Variants in DCDC2C observed in about 807,000 individuals in gnomAD.
DCDC2C encodes the protein doublecortin domain-containing protein 2C.
Under a neutral mutation model 45.0 loss-of-function variants are expected in DCDC2C, and 44 were observed. The ratio of observed to expected loss-of-function variants is 0.98; its 90% CI spans 0.77 to 1.26. The LOEUF is 1.26. Ranked by LOEUF, DCDC2C falls within the 50% of genes most tolerant of loss-of-function variation. The pLI is 0.00. For synonymous variants in DCDC2C, 187 were observed against 178.8 expected (o/e 1.05, Z -0.37); for missense variants, 447 against 468.9 (o/e 0.95, Z 0.43).
intron 10 of DCDC2C, among the ~76,000 whole-genome samples, chr2:3,828,138 AT>A (rs1191396587): frequency 2.0e-5 from 3 of 152,234 alleles, no homozygotes; most frequent in Non-Finnish European, 4.4e-5. Flanking sequence ...TAATTTAAAA[AT>A]ATGTGTGGAT....
At chr2:3,755,805 CAT>C (rs1379786473) in intron 6 of DCDC2C, among the ~76,000 whole-genome samples, 1 of 151,532 alleles carries the variant, frequency 6.6e-6, no homozygotes. Flanking sequence ...TATATGGATA[CAT>C]ATGTGTGCAT....
At chr2:3,834,318 C>G (rs1288046193) in intron 10 of DCDC2C, among the ~76,000 whole-genome samples, 2 of 152,184 alleles carry the variant, frequency 1.3e-5, no homozygotes, top group Non-Finnish European at 2.9e-5. Context: ...AGTAGCTTCA[C>G]TCTCCTAAAA....
chr2:3,820,991 G>C (rs1364234845), intron 10 of DCDC2C, among the ~76,000 whole-genome samples: 6 of 152,170 alleles, frequency 3.9e-5, no homozygotes, highest in Non-Finnish European at 1.5e-5. Context: ...AACAGGCTTT[G>C]TGTGAGCAAC....
At chr2:3,814,234 T>C (rs1671496683) in intron 10 of DCDC2C, among the ~76,000 whole-genome samples, 1 of 152,196 alleles carries the variant, frequency 6.6e-6, no homozygotes, top group African/African-American at 2.4e-5. Context: ...TCATTCTTTT[T>C]TCTCTAGTCT....
chr2:3,828,077 C>G (rs1327188818), intron 10 of DCDC2C, among the ~76,000 whole-genome samples: 1 of 152,188 alleles, frequency 6.6e-6, no homozygotes, highest in African/African-American at 2.4e-5. Flanking sequence ...AGTCTGCAGA[C>G]TTTTATTGAG....
intron 10 of DCDC2C, among the ~76,000 whole-genome samples, chr2:3,802,477 T>G (rs969113144): frequency 6.6e-6 from 1 of 152,226 alleles, no homozygotes; most frequent in African/African-American, 2.4e-5. Context: ...TATAGGCTGC[T>G]ATAGCAGAAT....
intron 6 of DCDC2C, among the ~76,000 whole-genome samples, chr2:3,757,092 G>A (rs578201745): frequency 6.6e-5 from 10 of 152,152 alleles, no homozygotes; most frequent in South Asian, 2.1e-4. Flanking sequence ...TTGAAGAGTG[G>A]GTGTGTTTCT....
chr2:3,794,343 GT>G (rs1335461026), intron 10 of DCDC2C, among the ~76,000 whole-genome samples: 2 of 151,926 alleles, frequency 1.3e-5, no homozygotes, highest in African/African-American at 2.4e-5. Context: ...CAAATTTGAA[GT>G]TTTTTATTAT....
intron 3 of DCDC2C, among the ~76,000 whole-genome samples, chr2:3,728,417 C>T (rs988621662): frequency 6.6e-6 from 1 of 152,152 alleles, no homozygotes; most frequent in Non-Finnish European, 1.5e-5. Flanking sequence ...ATGTCTTTCC[C>T]GCAGAACATA....
chr2:3,827,778 G>A (rs780865451), intron 10 of DCDC2C, among the ~76,000 whole-genome samples: 6 of 151,986 alleles, frequency 3.9e-5, no homozygotes, highest in African/African-American at 7.3e-5. Flanking sequence ...ATATAAAGAT[G>A]CTATTTTCAC....
At chr2:3,766,475 A>G (rs1670015580) in intron 6 of DCDC2C, among the ~76,000 whole-genome samples, 7 of 152,170 alleles carry the variant, frequency 4.6e-5, no homozygotes, top group Admixed American at 4.6e-4. Flanking sequence ...TTCTGTTTCC[A>G]TGACCAGTTC....
At chr2:3,815,973 G>A (rs1259226587) in intron 10 of DCDC2C, among the ~76,000 whole-genome samples, 5 of 152,160 alleles carry the variant, frequency 3.3e-5, no homozygotes, top group Non-Finnish European at 7.3e-5. Flanking sequence ...AAACAAAACA[G>A]TGTTGAAGCA....
rs535448916 is a variant in DCDC2C at position 3,811,512 on chromosome 2, A to G, written c.1065+26412A>G. On this transcript the variant is annotated intron_variant, in intron 10 of 10. Transcript: ENST00000399143. ...GATGGGGTTTTCTAAATATACAGTC[A>G]TGTCATCTGCAAACAGACACAATTT... Among the ~76,000 whole-genome samples the G allele has an allele frequency of 2.0e-5, 3 of 152,304 alleles. No homozygotes were observed. The East Asian group carries it at 5.8e-4, about 29-fold the overall frequency.
chr2:3,704,003 C>T lies in DCDC2C; in HGVS notation c.252C>T (p.Tyr84=). 1.6e-6 allele frequency: 2 copies of T among 1,287,480 alleles called. No individual in the cohort carries two copies. The highest frequency in any genetic ancestry group is 2.0e-6 in the Non-Finnish European group (2 of 1,016,826). The allele number at this position is 1,287,480 out of a possible 1,614,324, so 79.8% of individuals were successfully genotyped here. ...ACGCGCTGCAGGCGGGCGGCAAGTA[C>T]GTGGCGGCGGGCCGCGAGCGCTTCA... is the stretch of plus-strand genomic sequence containing the variant. The part of the protein sequence containing the change: ...GLDALQAGGK[Y]VAAGRERFKE... Residue 84 remains tyrosine (Y), a synonymous_variant, in exon 1 of 11, where the codon TAC becomes TAT. Transcript: ENST00000399143.
At chr2:3,732,292 A>C (rs1241660701) in intron 3 of DCDC2C, among the ~76,000 whole-genome samples, 1 of 151,706 alleles carries the variant, frequency 6.6e-6, no homozygotes, top group Non-Finnish European at 1.5e-5. Context: ...TCATGGCATC[A>C]CCCGCTTTGT....
chr2:3,721,526 A>T (rs970327600), intron 2 of DCDC2C, among the ~76,000 whole-genome samples: 1 of 152,070 alleles, frequency 6.6e-6, no homozygotes, highest in Non-Finnish European at 1.5e-5. Context: ...AGCATTGGAG[A>T]GGTGGAGAGA....
intron 4 of DCDC2C, among the ~76,000 whole-genome samples, chr2:3,742,343 G>A (rs1167550604): frequency 2.0e-5 from 3 of 152,152 alleles, no homozygotes; most frequent in South Asian, 4.1e-4. Flanking sequence ...TGGGCCGACC[G>A]TTCAAGTTGC....
At chr2:3,762,162 C>CTTTTTTTTTTTTTTTTTTTTTTTTTTTT (rs56067833) in intron 6 of DCDC2C, among the ~76,000 whole-genome samples, 1 of 127,644 alleles carries the variant, frequency 7.8e-6, no homozygotes, top group African/African-American at 2.9e-5. Flanking sequence ...TTGCTTGAAC[C>CTTTTTTTTTTTTTTTTTTTTTTTTTTTT]TTTTTTTTTT....
intron 2 of DCDC2C, 68 bp from the exon 3 acceptor site, chr2:3,726,935 C>T: frequency 2.9e-6 from 4 of 1,382,218 alleles, no homozygotes; most frequent in Non-Finnish European, 4.0e-6. Context: ...GTGCTGTGCA[C>T]ACTGTTGAGT....
Sources: allele counts gnomAD v4.1 joint callset (sites outside exome capture counted in the v4.1 genomes callset), GRCh38; gene constraint gnomAD v4.1.1; transcripts MANE v1.5; gene names NCBI Gene and HGNC (gene_info 2026-07-23, HGNC 2026-07-21).